Variants in COL6A3 observed in about 807,000 individuals in gnomAD.
COL6A3 encodes collagen alpha-3(VI) chain.
In COL6A3, 137 loss-of-function variants were observed where a neutral mutation model predicts 274.1. The ratio of observed to expected loss-of-function variants is 0.50; its 90% CI spans 0.44 to 0.58. The LOEUF (loss-of-function observed/expected upper bound fraction) is 0.58. COL6A3 is among the 20% of genes least tolerant of loss of function. The pLI is 0.00. For synonymous variants in COL6A3, 1,650 were observed against 1,650.6 expected, an observed-to-expected ratio of 1.00 and a Z score of 0.01; for missense variants, 3,950 against 4,124.9, an observed-to-expected ratio of 0.96 and a Z score of 1.16.
chr2:237,366,072 G>C (rs1217248818), intron 11 of COL6A3, 37 bp from the exon 12 acceptor site: 1 of 1,573,064 alleles, frequency 6.4e-7, no homozygotes, highest in Non-Finnish European at 8.7e-7. Flanking sequence ...GTTCTCAGCT[G>C]GGGCTGAGGA....
chr2:237,413,188 T>G lies in COL6A3; in HGVS notation c.-31+765A>C, dbSNP rs1465513502. On this transcript the variant is annotated intron_variant, in intron 1 of 43. Coordinates refer to ENST00000295550, the MANE Select transcript of COL6A3 (RefSeq NM_004369.4). This position sits in a 1 kb window ranked among gnomAD's most constrained non-coding sequence, Gnocchi z 4.0. ...CTCCCAGCTCGGCACTGGCCTCACCTCTGTGCAGCATGGGCTGGCCCTGCA... is the reference window on the plus strand; with the variant it reads ...CTCCCAGCTCGGCACTGGCCTCACCGCTGTGCAGCATGGGCTGGCCCTGCA... Among the ~76,000 whole-genome samples, 1 of 152,166 alleles carries G rather than the reference T, an allele frequency of 6.6e-6. No homozygotes were observed. The highest frequency in any genetic ancestry group is 1.5e-5 in the Non-Finnish European group (1 of 68,026).
In COL6A3 at chr2:237,353,390, C is replaced by A; in HGVS notation, c.6641G>T (p.Gly2214Val). ...TCCCTCAAAGCCCGGCTGGCCAGGA[C>A]CGCCCTTGTTGCCCTTTGAAATAAG... The part of the protein sequence containing the change: ...GPPGAKGNKG[G>V]PGQPGFEGEQ... The change falls in exon 25 of 44, where the codon GGT becomes GTT. Residue 2214 changes from glycine (G) to valine (V), a missense_variant. This residue lies in a region of COL6A3 where 1,284 missense variants were observed against 1,349.7 expected (regional missense o/e 0.95). Coordinates refer to ENST00000295550, the MANE Select transcript of COL6A3 (RefSeq NM_004369.4). The A allele has an allele frequency of 6.2e-7, 1 of 1,614,170 alleles. No homozygotes were observed.
intron 41 of COL6A3, 124 bp downstream of exon 41, chr2:237,334,496 TTGTTGC>T: frequency 1.0e-6 from 1 of 997,654 alleles, no homozygotes; most frequent in African/African-American, 1.6e-5. Context: ...TGTTTTGTTG[TTGTTGC>T]TGTTGTTGTT....
intron 2 of COL6A3, among the ~76,000 whole-genome samples, chr2:237,396,380 A>T (rs1398981261): frequency 6.6e-6 from 1 of 152,138 alleles, no homozygotes; most frequent in Non-Finnish European, 1.5e-5. Flanking sequence ...TCCCTACTTT[A>T]TGTGCTCAGA....
At position 237,365,417 on chromosome 2, in the gene COL6A3, G is replaced by A. The variant is rs186222210; in HGVS notation, c.5838+281C>T. 7.4e-4 allele frequency among the ~76,000 whole-genome samples: 113 copies of A among 152,116 alleles called. 1 individual carries two copies. Among genetic ancestry groups the A allele is most frequent in the Admixed American group, 1.8e-3 (28 of 15,292 alleles). On this transcript the variant is annotated intron_variant, in intron 12 of 43. Coordinates refer to ENST00000295550, the MANE Select transcript of COL6A3 (RefSeq NM_004369.4). ...ACACAGAGAAATGAAAGTGGAGAAC[G>A]TACCTGACTGGACTATAATTAAACA... is the stretch of plus-strand genomic sequence containing the variant.
In COL6A3 at chr2:237,377,336, G is replaced by T; in HGVS notation, c.2506C>A (p.Arg836=). The change falls in exon 7 of 44, where the codon CGA becomes AGA. Residue 836 remains arginine, a synonymous_variant. Coordinates refer to ENST00000295550, the MANE Select transcript of COL6A3 (RefSeq NM_004369.4). ...EVPLAQPESK[R]DILFLFDGSA... ...CCGTCAAAGAGGAACAGAATGTCTC[G>T]CTTGCTCTCTGCAATGAAGGTAGAT... The T allele has an allele frequency of 6.2e-7, 1 of 1,600,012 alleles. No homozygotes were observed. Among genetic ancestry groups the T allele is most frequent in the Non-Finnish European group, 8.5e-7 (1 of 1,179,932 alleles).
chr2:237,354,074 T>C (rs1048201600), intron 24 of COL6A3, among the ~76,000 whole-genome samples: 4 of 151,282 alleles, frequency 2.6e-5, no homozygotes, highest in Non-Finnish European at 5.9e-5. Context: ...TGCAATGGCA[T>C]GATCTTGGCT....
rs151068201 is a variant in COL6A3 at position 237,346,057 on chromosome 2, G to C, written c.7092+446C>G. ...GTGGGAGGATGCCCTCCTGGCTCCT[G>C]GTGGCAGCATGACTAGTGGGATTTA... is the stretch of plus-strand genomic sequence containing the variant. On this transcript the variant is annotated intron_variant, in intron 32 of 43. Coordinates refer to ENST00000295550, the MANE Select transcript of COL6A3 (RefSeq NM_004369.4). 1.4e-3 allele frequency among the ~76,000 whole-genome samples: 212 copies of C among 152,330 alleles called. 2 individuals are homozygous for C. Among genetic ancestry groups the C allele is most frequent in the African/African-American group, 4.9e-3 (202 of 41,578 alleles).
At chr2:237,355,051 A>AC in intron 23 of COL6A3, 117 bp from the exon 24 acceptor site, 2 of 950,004 alleles carry the variant, frequency 2.1e-6, no homozygotes, top group Non-Finnish European at 3.3e-6. Context: ...GAATCTTCCC[A>AC]AGCACCCACA....
intron 4 of COL6A3, among the ~76,000 whole-genome samples, chr2:237,382,516 T>A (rs2078033844): frequency 6.6e-6 from 1 of 152,246 alleles, no homozygotes; most frequent in Admixed American, 6.5e-5. Flanking sequence ...TGTATCCATG[T>A]GCAGGCACCC....
intron 1 of COL6A3, among the ~76,000 whole-genome samples, chr2:237,401,834 A>C (rs1412626345): frequency 6.6e-6 from 1 of 151,762 alleles, no homozygotes; most frequent in East Asian, 1.9e-4. Context: ...GCAGGCACAC[A>C]CCACCCCACC....
At position 237,357,391 on chromosome 2, in the gene COL6A3, C is replaced by T. The variant is rs374335627; in HGVS notation, c.6538G>A (p.Gly2180Ser). The change falls in exon 23 of 44, where the codon GGT (glycine) becomes AGT (serine). Residue 2180 changes from glycine to serine, a missense_variant and splice_region_variant. Around this residue, in one of 5 missense-constraint regions of COL6A3, gnomAD observed 1,284 missense variants for 1,349.7 expected, o/e 0.95. Coordinates refer to ENST00000295550, the MANE Select transcript of COL6A3 (RefSeq NM_004369.4). The stretch of plus-strand genomic sequence containing the variant: ...GGTACTCCATCTCTCCCTGGGACAC[C>T]CTGGTGTGGGGAAAATTAGCATGAG... ...KGETGDLGPM[G>S]VPGRDGVPGG... The T allele has an allele frequency of 1.2e-6, 2 of 1,613,562 alleles. No individual in the cohort carries two copies. The highest frequency in any genetic ancestry group is 1.7e-6 in the Non-Finnish European group (2 of 1,179,496).
At chr2:237,373,145 G>A (rs2077737186) in intron 8 of COL6A3, among the ~76,000 whole-genome samples, 2 of 152,160 alleles carry the variant, frequency 1.3e-5, no homozygotes, top group South Asian at 4.2e-4. Context: ...GAGGGAGGCT[G>A]TTCTGGAGCG....
At chr2:237,378,587 G>A (rs554429779) in intron 6 of COL6A3, 49 bp downstream of exon 6, 1 of 1,611,884 alleles carries the variant, frequency 6.2e-7, no homozygotes, top group South Asian at 1.1e-5. Context: ...ACCCTCCAGG[G>A]TGGTGTCTGA....
At position 237,357,384 on chromosome 2, in the gene COL6A3, G is replaced by A. The variant is rs761812649; in HGVS notation, c.6545C>T (p.Pro2182Leu). Residue 2182 changes from proline (P) to leucine (L), a missense_variant, in exon 23 of 44, where the codon CCA (proline) becomes CTA (leucine). Transcript: ENST00000295550. ...TCCTCCAGGTACTCCATCTCTCCCTGGGACACCCTGGTGTGGGGAAAATTA... is the reference window on the plus strand; with the variant it reads ...TCCTCCAGGTACTCCATCTCTCCCTAGGACACCCTGGTGTGGGGAAAATTA... ...ETGDLGPMGV[P>L]GRDGVPGGPG... 2 of 1,613,698 alleles carry A rather than the reference G, an allele frequency of 1.2e-6. No individual in the cohort carries two copies. The highest frequency in any genetic ancestry group is 2.2e-5 in the South Asian group (2 of 91,064).
At chr2:237,385,616 T>A (rs565235678) in intron 4 of COL6A3, among the ~76,000 whole-genome samples, 1 of 152,306 alleles carries the variant, frequency 6.6e-6, no homozygotes, top group Non-Finnish European at 1.5e-5. Context: ...CTGCAAAACA[T>A]AGGGAAATCT....
At position 237,377,220 on chromosome 2, in the gene COL6A3, T is replaced by C; in HGVS notation, c.2622A>G (p.Arg874=). ...CATCGCTGTACTGAGCCACCGCAAT[T>C]CGGGTCCCCTCTGGCTTCACATTGA... ...DELNVKPEGT[R]IAVAQYSDDV... Residue 874 remains arginine, a synonymous_variant, in exon 7 of 44, where the codon CGA becomes CGG. Coordinates refer to ENST00000295550, the MANE Select transcript of COL6A3 (RefSeq NM_004369.4). 1 of 1,613,508 alleles carries C rather than the reference T, an allele frequency of 6.2e-7. No homozygotes were observed. The highest frequency in any genetic ancestry group is 1.1e-5 in the South Asian group (1 of 91,066).
Position 237,371,747 on chromosome 2 carries a change from G to T in COL6A3, c.4270C>A (p.Arg1424Ser). ...EQIQKLLAST[R>S]YPPPAVESDA... ...CCCATCTCACCTGGAGGTGGATAGC[G>T]AGTGCTGGCTAAGAGCTTCTGGATC... The change falls in exon 9 of 44, where the codon CGC becomes AGC. Residue 1424 changes from arginine (R) to serine (S), a missense_variant. Arg to Ser is a moderately radical substitution (Grantham distance 110, BLOSUM62 -1). This residue lies in a region of COL6A3 where 1,934 missense variants were observed against 1,984.3 expected (regional missense o/e 0.97). Coordinates refer to ENST00000295550, the MANE Select transcript of COL6A3 (RefSeq NM_004369.4). The surrounding 1 kb of genome is among the most constrained non-coding windows in gnomAD (Gnocchi z 4.3). 2 of 1,601,564 alleles carry T rather than the reference G, an allele frequency of 1.2e-6. No homozygotes were observed. The highest frequency in any genetic ancestry group is 1.7e-6 in the Non-Finnish European group (2 of 1,171,324).
chr2:237,362,642 CA>C (rs1328224606), intron 14 of COL6A3, among the ~76,000 whole-genome samples: 1 of 152,208 alleles, frequency 6.6e-6, no homozygotes, highest in Non-Finnish European at 1.5e-5. Flanking sequence ...CTCATAGCCA[CA>C]GTCCACTGTT....
Sources: allele counts gnomAD v4.1 joint callset (sites outside exome capture counted in the v4.1 genomes callset), GRCh38; gene constraint gnomAD v4.1.1; regional missense constraint gnomAD v4.1.1; non-coding constraint Gnocchi (gnomAD v3.1); transcripts MANE v1.5; gene names NCBI Gene and HGNC (gene_info 2026-07-23, HGNC 2026-07-21).